The following UBTD2 variants were observed in gnomAD, a reference collection of about 807,000 sequenced individuals.
The protein encoded by UBTD2 is ubiquitin domain containing 2, also known as ubiquitin domain-containing protein 2.
In UBTD2, 9 loss-of-function variants were observed where a neutral mutation model predicts 19.8. The observed-to-expected ratio is 0.46, with a 90% CI of 0.27 to 0.79. UBTD2 has a LOEUF of 0.79. Among genes scored for constraint, UBTD2 ranks in the 30% least tolerant of loss-of-function variants. The pLI, the probability that UBTD2 is intolerant of heterozygous loss-of-function variation, is 0.14. For synonymous variants in UBTD2, 98 were observed against 103.9 expected (o/e 0.94, Z 0.35); for missense variants, 250 against 300.4 (o/e 0.83, Z 1.24).
chr5:172,255,142 G>C, intron 1 of UBTD2: 1 of 468,322 alleles, frequency 2.1e-6, no homozygotes, highest in Non-Finnish European at 4.1e-6. Flanking sequence ...GCTGGAAGAA[G>C]GCATGCTCAA....
At chr5:172,237,243 G>A (rs1249377751) in intron 1 of UBTD2, among the ~76,000 whole-genome samples, 9 of 152,166 alleles carry the variant, frequency 5.9e-5, no homozygotes, top group Admixed American at 3.9e-4. Flanking sequence ...ACAGGCCCGC[G>A]CCACCATGCC....
At chr5:172,281,215 A>T (rs528587445) in intron 1 of UBTD2, among the ~76,000 whole-genome samples, 2 of 152,214 alleles carry the variant, frequency 1.3e-5, no homozygotes, top group Non-Finnish European at 2.9e-5. Flanking sequence ...AATGTAATTA[A>T]ATCTGTCATG....
At chr5:172,273,779 TCTC>T (rs1362939771) in intron 1 of UBTD2, among the ~76,000 whole-genome samples, 1 of 152,026 alleles carries the variant, frequency 6.6e-6, no homozygotes, top group East Asian at 1.9e-4. Context: ...AGGATTCAGC[TCTC>T]CTCATGTCTA....
intron 2 of UBTD2, among the ~76,000 whole-genome samples, chr5:172,232,849 A>G (rs948377515): frequency 2.0e-5 from 3 of 152,132 alleles, no homozygotes; most frequent in Non-Finnish European, 4.4e-5. Context: ...GTGCCACCAC[A>G]TTCTGGCCTG....
intron 1 of UBTD2, chr5:172,255,423 C>G (rs1268567001): frequency 2.0e-6 from 1 of 496,696 alleles, no homozygotes; most frequent in Non-Finnish European, 4.1e-6. Context: ...GGAACTGGGT[C>G]AAACATGAGC....
intron 1 of UBTD2, among the ~76,000 whole-genome samples, chr5:172,269,053 C>CA (rs923317109): frequency 3.3e-5 from 5 of 149,816 alleles, no homozygotes; most frequent in Non-Finnish European, 4.4e-5. Context: ...CAGTTAAGTG[C>CA]AAAAAAAAGA....
intron 2 of UBTD2, among the ~76,000 whole-genome samples, chr5:172,233,006 T>TG (rs1207825921): frequency 6.6e-5 from 10 of 151,944 alleles, no homozygotes; most frequent in Admixed American, 1.3e-4. Context: ...CCAGGCATGG[T>TG]GGGGAAGCTG....
At chr5:172,257,086 C>G (rs1047516208) in intron 1 of UBTD2, among the ~76,000 whole-genome samples, 2 of 151,946 alleles carry the variant, frequency 1.3e-5, no homozygotes, top group African/African-American at 4.8e-5. Context: ...ATTATGTCAC[C>G]CAGGTAGCAA....
chr5:172,224,705 G>C (rs552987538), intron 2 of UBTD2, among the ~76,000 whole-genome samples: 1 of 152,156 alleles, frequency 6.6e-6, no homozygotes, highest in Non-Finnish European at 1.5e-5. Flanking sequence ...CATCATGATT[G>C]TAAGTTTCCT....
intron 1 of UBTD2, among the ~76,000 whole-genome samples, chr5:172,280,560 G>A (rs1028246729): frequency 1.3e-5 from 2 of 148,808 alleles, no homozygotes; most frequent in East Asian, 3.9e-4. Flanking sequence ...GCTGAGGCCA[G>A]AGGACTGCCT....
At chr5:172,268,181 T>A (rs868138628) in intron 1 of UBTD2, among the ~76,000 whole-genome samples, 1 of 152,232 alleles carries the variant, frequency 6.6e-6, no homozygotes, top group South Asian at 2.1e-4. Flanking sequence ...TTTTTTTTTT[T>A]AAGTAGAGTG....
rs557369836 is a variant in UBTD2 at position 172,256,105 on chromosome 5, G to GA, written c.71-21748dup. ...ACTCTGTCTCAAAAGAGAAAAGAGAGAAAAAAAAAGAAAGATGGATAGCAA... is the reference window on the plus strand; with the variant it reads ...ACTCTGTCTCAAAAGAGAAAAGAGAGAAAAAAAAAAGAAAGATGGATAGCAA... On this transcript the variant is annotated intron_variant, in intron 1 of 2. Coordinates refer to ENST00000393792, the MANE Select transcript of UBTD2 (RefSeq NM_152277.3). Among the ~76,000 whole-genome samples, 582 of 150,436 alleles carry GA rather than the reference G, an allele frequency of 3.9e-3. 6 individuals carry two copies. Among genetic ancestry groups the GA allele is most frequent in the African/African-American group, 0.011 (437 of 41,056 alleles).
At chr5:172,215,046 C>G (rs1771516315) in intron 2 of UBTD2, among the ~76,000 whole-genome samples, 1 of 152,188 alleles carries the variant, frequency 6.6e-6, no homozygotes, top group South Asian at 2.1e-4. Flanking sequence ...CACCCAGGAG[C>G]TGAAATCTCT....
At chr5:172,225,332 A>G (rs75283385) in intron 2 of UBTD2, among the ~76,000 whole-genome samples, 1 of 152,200 alleles carries the variant, frequency 6.6e-6, no homozygotes. Context: ...TCCTTGGTCA[A>G]CTGTTTTCTT....
intron 2 of UBTD2, among the ~76,000 whole-genome samples, chr5:172,212,698 T>TG (rs1414910658): frequency 2.0e-5 from 3 of 152,224 alleles, no homozygotes; most frequent in African/African-American, 7.2e-5. Context: ...GGAGTGTCGC[T>TG]GTGTTGCCCA....
intron 1 of UBTD2, chr5:172,255,040 GGA>G: frequency 1.9e-6 from 1 of 526,930 alleles, no homozygotes; most frequent in Non-Finnish European, 3.7e-6. Flanking sequence ...TTCTGTGCCA[GGA>G]GAGGGCAGCT....
intron 1 of UBTD2, among the ~76,000 whole-genome samples, chr5:172,253,457 A>ATTT (rs11292185): frequency 6.2e-5 from 9 of 145,882 alleles, no homozygotes; most frequent in South Asian, 2.1e-4. Flanking sequence ...AACCCTATCA[A>ATTT]TTTTTTTTTT....
chr5:172,276,162 T>C (rs1755599565), intron 1 of UBTD2, among the ~76,000 whole-genome samples: 1 of 152,214 alleles, frequency 6.6e-6, no homozygotes, highest in Non-Finnish European at 1.5e-5. Context: ...GACAAAACTT[T>C]CTGAGCAGCA....
At chr5:172,278,318 G>A (rs1231577932) in intron 1 of UBTD2, among the ~76,000 whole-genome samples, 2 of 152,146 alleles carry the variant, frequency 1.3e-5, no homozygotes, top group South Asian at 2.1e-4. Context: ...AGGAGTTGGA[G>A]ACCAGCCTGG....
Sources: gnomAD v4.1 joint callset for allele counts (sites outside exome capture counted in the v4.1 genomes callset) on GRCh38, gnomAD v4.1.1 for gene constraint, MANE v1.5 for transcripts, NCBI Gene and HGNC (gene_info 2026-07-23, HGNC 2026-07-21) for gene names.